The following CFAP54 variants were observed in gnomAD, a reference collection of about 807,000 sequenced individuals.
CFAP54 encodes the protein cilia- and flagella-associated protein 54.
In CFAP54, 290 loss-of-function variants were observed where a neutral mutation model predicts 370.4. The ratio of observed to expected loss-of-function variants is 0.78; its 90% CI spans 0.71 to 0.86. The LOEUF (loss-of-function observed/expected upper bound fraction) is 0.86, where lower values mean the gene tolerates loss of function less well. Among genes scored for constraint, CFAP54 ranks in the 40% least tolerant of loss-of-function variants. The probability of loss-of-function intolerance (pLI) is 0.00; values close to 1 mark genes in which losing one functional copy is unlikely to be tolerated. For synonymous variants in CFAP54, 1,206 were observed against 1,236.5 expected, an observed-to-expected ratio of 0.98 and a Z score of 0.52; for missense variants, 3,399 against 3,528.7, an observed-to-expected ratio of 0.96 and a Z score of 0.93.
Position 96,519,008 on chromosome 12 carries a change from C to T in CFAP54, c.879C>T (p.Arg293=), listed in dbSNP as rs762379121. ...TGTCACTCAGGTACTTGACATGGCG[C>T]GCTACTCTCTACACAGCTGTTTGCC... ...PLLSLRYLTW[R]ATLYTAVCQC... Residue 293 remains arginine (R), a synonymous_variant, in exon 6 of 68, where the codon CGC becomes CGT. Coordinates refer to ENST00000524981, the MANE Select transcript of CFAP54 (RefSeq NM_001306084.2). 9.3e-5 allele frequency: 143 copies of T among 1,535,956 alleles called. No individual in the cohort carries two copies. The highest frequency in any genetic ancestry group is 8.4e-4 in the Middle Eastern group (5 of 5,980).
intron 65 of CFAP54, among the ~76,000 whole-genome samples, chr12:96,826,999 ATG>A (rs1959123218): frequency 7.5e-6 from 1 of 132,578 alleles, no homozygotes; most frequent in African/African-American, 3.2e-5. Flanking sequence ...GCAATTATAT[ATG>A]ATTAATTATA....
chr12:96,606,680 G>C (rs574431790), intron 26 of CFAP54, among the ~76,000 whole-genome samples: 2 of 152,182 alleles, frequency 1.3e-5, no homozygotes, highest in African/African-American at 4.8e-5. Context: ...GCCTGAGCGG[G>C]CCAGTTGGTA....
chr12:96,789,972 T>G (rs1441082279), intron 62 of CFAP54, among the ~76,000 whole-genome samples: 1 of 151,926 alleles, frequency 6.6e-6, no homozygotes, highest in African/African-American at 2.4e-5. Flanking sequence ...AGGAGGCTAT[T>G]TCAATCAAAC....
intron 46 of CFAP54, among the ~76,000 whole-genome samples, chr12:96,701,402 T>C (rs1354456605): frequency 6.6e-6 from 1 of 152,154 alleles, no homozygotes; most frequent in East Asian, 1.9e-4. Context: ...ACAGATGCCA[T>C]TCCAGGCATG....
At chr12:96,499,070 A>T (rs1382768399) in intron 1 of CFAP54, among the ~76,000 whole-genome samples, 1 of 152,056 alleles carries the variant, frequency 6.6e-6, no homozygotes, top group Non-Finnish European at 1.5e-5. Flanking sequence ...TCTCCACCTC[A>T]TGAGTTCAAA....
intron 1 of CFAP54, among the ~76,000 whole-genome samples, chr12:96,494,702 A>C (rs897232506): frequency 1.1e-4 from 17 of 152,114 alleles, no homozygotes; most frequent in African/African-American, 3.9e-4. Flanking sequence ...AGTTGCTTTT[A>C]TAATATATTT....
chr12:96,619,719 AC>A (rs2136463909), intron 26 of CFAP54, among the ~76,000 whole-genome samples: 1 of 152,314 alleles, frequency 6.6e-6, no homozygotes, highest in Non-Finnish European at 1.5e-5. Context: ...TAAGCTTAGG[AC>A]CTAAATATGT....
chr12:96,712,420 T>C (rs1273001942), intron 48 of CFAP54, among the ~76,000 whole-genome samples: 2 of 152,184 alleles, frequency 1.3e-5, no homozygotes, highest in Admixed American at 1.3e-4. Context: ...TAGTTGTACA[T>C]GTATGTGGGG....
chr12:96,539,893 A>C (rs575443837), intron 13 of CFAP54, among the ~76,000 whole-genome samples: 28 of 152,280 alleles, frequency 1.8e-4, no homozygotes, highest in Admixed American at 9.8e-4. Context: ...TTAGGAGAAA[A>C]AATTTAATAA....
chr12:96,571,741 C>T (rs898435804), intron 19 of CFAP54, among the ~76,000 whole-genome samples: 1 of 142,570 alleles, frequency 7.0e-6, no homozygotes, highest in Non-Finnish European at 1.6e-5. Flanking sequence ...GGGGGATTTT[C>T]TGATGTTACT....
chr12:96,803,603 C>T (rs1030255858), intron 63 of CFAP54, among the ~76,000 whole-genome samples: 1 of 152,102 alleles, frequency 6.6e-6, no homozygotes, highest in Non-Finnish European at 1.5e-5. Context: ...CCTAAGCCAC[C>T]AAGGAAACCA....
chr12:96,652,348 A>T (rs377624227), intron 36 of CFAP54, among the ~76,000 whole-genome samples: 7 of 152,374 alleles, frequency 4.6e-5, no homozygotes, highest in African/African-American at 1.7e-4. Flanking sequence ...CATGAGGCTT[A>T]TAACATTTCT....
At chr12:96,786,649 A>C (rs1958632197) in intron 61 of CFAP54, 26 bp from the exon 62 acceptor site, 1 of 1,462,210 alleles carries the variant, frequency 6.8e-7, no homozygotes, top group Non-Finnish European at 9.2e-7. Flanking sequence ...ATATGAACCT[A>C]AACTAAGGTA....
At chr12:96,840,622 CTT>C (rs1491169613) in intron 66 of CFAP54, among the ~76,000 whole-genome samples, 1 of 67,054 alleles carries the variant, frequency 1.5e-5, no homozygotes, top group African/African-American at 3.8e-5. Context: ...TTCTCTGTTT[CTT>C]TCTTTTTTTT....
rs554614752 is a variant in CFAP54, at chr12:96,538,638, A to G, written c.1926+120A>G. ...CCTGGTTAATGACTTTCATTTGCATATATACATATATAAAGAAGATATTCT... is the reference window on the plus strand; with the variant it reads ...CCTGGTTAATGACTTTCATTTGCATGTATACATATATAAAGAAGATATTCT... On this transcript the variant is annotated intron_variant, in intron 13 of 67. Transcript: ENST00000524981. The G allele has an allele frequency of 2.0e-5, 18 of 896,400 alleles. No individual in the cohort carries two copies. The East Asian group carries it at 2.7e-4, about 13-fold the overall frequency. 55.5% of individuals were successfully genotyped at this position (896,400 alleles called of 1,614,324 possible). A position where few individuals can be genotyped will look rare whatever the true frequency, so the allele number is the denominator to read the frequency against.
intron 63 of CFAP54, among the ~76,000 whole-genome samples, chr12:96,794,660 T>C (rs1958739931): frequency 6.6e-6 from 1 of 152,220 alleles, no homozygotes; most frequent in Admixed American, 6.5e-5. Context: ...ATTTAAAACA[T>C]TTCTTTAAAT....
chr12:96,581,006 C>A lies in CFAP54; in HGVS notation c.2976C>A (p.Asn992Lys), dbSNP rs1956027885. 1 of 1,534,096 alleles carries A rather than the reference C, an allele frequency of 6.5e-7. No individual in the cohort carries two copies. The highest frequency in any genetic ancestry group is 1.4e-5 in the African/African-American group (1 of 73,032). The change falls in exon 22 of 68, where the codon AAC becomes AAA. Residue 992 changes from asparagine to lysine, a missense_variant. Physicochemically the swap from Asn to Lys is moderately conservative, Grantham distance 94. Around this residue, in one of 3 missense-constraint regions of CFAP54, gnomAD observed 2,796 missense variants for 2,869.7 expected, o/e 0.97. Transcript: ENST00000524981. ...KYVFAVAAYS[N>K]NGKLVGGAIG... ...TATTTGCAGTTGCTGCCTATTCTAA[C>A]AACGGAAAGCTTGTCGGTGGTGCTA...
chr12:96,521,141 A>G (rs999893402), intron 6 of CFAP54, among the ~76,000 whole-genome samples: 4 of 152,162 alleles, frequency 2.6e-5, no homozygotes, highest in African/African-American at 7.2e-5. Context: ...AACCCTTCAT[A>G]TATGTTAATA....
chr12:96,702,903 C>G (rs1377694288), intron 46 of CFAP54, among the ~76,000 whole-genome samples: 2 of 151,958 alleles, frequency 1.3e-5, no homozygotes, highest in African/African-American at 2.4e-5. Flanking sequence ...TTTTCACAGG[C>G]CTTTAAAAAA....
Sources: gnomAD v4.1 joint callset for allele counts (sites outside exome capture counted in the v4.1 genomes callset) on GRCh38, gnomAD v4.1.1 for gene constraint, gnomAD v4.1.1 regional missense constraint, MANE v1.5 for transcripts, NCBI Gene and HGNC (gene_info 2026-07-23, HGNC 2026-07-21) for gene names.